The following GRIK2 variants were observed in gnomAD, a reference collection of about 807,000 sequenced individuals.
GRIK2 encodes the protein glutamate receptor ionotropic, kainate 2.
GRIK2 carries 32 observed loss-of-function variants against 100.3 expected under a neutral mutation model. The ratio of observed to expected loss-of-function variants is 0.32; its 90% CI spans 0.24 to 0.43. The LOEUF (loss-of-function observed/expected upper bound fraction) is 0.43. Ranked by LOEUF, GRIK2 falls within the 20% of genes least tolerant of loss-of-function variation. GRIK2 has a pLI of 1.00. For missense variants in GRIK2, 843 were observed against 1,114.9 expected (o/e 0.76, Z 3.47); for synonymous variants, 417 against 389.4 (o/e 1.07, Z -0.83).
rs182031285 is a variant in GRIK2 at position 102,065,764 on chromosome 6, T to G, written c.2563-2583T>G. On this transcript the variant is annotated intron_variant, in intron 16 of 16. Coordinates refer to ENST00000369134, the MANE Select transcript of GRIK2 (RefSeq NM_021956.5). ...ATCAAGTTTTGACCATGTTATGTCA[T>G]CTAATTAATTCTTCTGTTAAATGTT... The G allele has an allele frequency of 4.3e-6, 6 of 1,409,488 alleles. No individual in the cohort carries two copies. In the Admixed American group the frequency reaches 8.5e-5, roughly 20 times the overall value. The allele number at this position is 1,409,488 out of a possible 1,614,324, so 87.3% of individuals were successfully genotyped here. A position where few individuals can be genotyped will look rare whatever the true frequency, so the allele number is the denominator to read the frequency against.
intron 10 of GRIK2, among the ~76,000 whole-genome samples, chr6:101,851,723 A>G (rs1253341053): frequency 1.3e-5 from 2 of 151,858 alleles, no homozygotes; most frequent in East Asian, 3.9e-4. Context: ...GCATTGTTCA[A>G]TAATTAATAC....
chr6:101,508,473 A>G (rs977945538), intron 2 of GRIK2, among the ~76,000 whole-genome samples: 2 of 152,186 alleles, frequency 1.3e-5, no homozygotes, highest in Admixed American at 1.3e-4. Context: ...AAAGCTTAAT[A>G]TAACAGATTA....
chr6:102,061,169 A>G (rs1562147291), intron 16 of GRIK2, among the ~76,000 whole-genome samples: 1 of 150,592 alleles, frequency 6.6e-6, no homozygotes, highest in Non-Finnish European at 1.5e-5. Context: ...TTTTTAGGTC[A>G]TTTGTTTATG....
intron 1 of GRIK2, among the ~76,000 whole-genome samples, 57 bp downstream of exon 1, chr6:101,393,894 T>G (rs959093582): frequency 2.0e-5 from 3 of 152,076 alleles, no homozygotes; most frequent in Non-Finnish European, 1.5e-5. Flanking sequence ...GTGTTTGTTT[T>G]CAAGAGGACG....
intron 5 of GRIK2, among the ~76,000 whole-genome samples, chr6:101,680,633 G>A (rs375340421): frequency 1.1e-3 from 164 of 152,124 alleles, no homozygotes; most frequent in Middle Eastern, 3.4e-3. Context: ...CATCTGAATC[G>A]TTATTTCTTT....
chr6:101,798,387 T>G (rs1036602129), intron 7 of GRIK2, among the ~76,000 whole-genome samples: 1 of 152,088 alleles, frequency 6.6e-6, no homozygotes, highest in Non-Finnish European at 1.5e-5. Context: ...GTTTTCACTA[T>G]GCATCCTTCA....
At chr6:101,688,545 A>G (rs1359104898) in intron 7 of GRIK2, among the ~76,000 whole-genome samples, 1 of 152,022 alleles carries the variant, frequency 6.6e-6, no homozygotes, top group Non-Finnish European at 1.5e-5. Flanking sequence ...AGAGGATATT[A>G]GGAGAATTAC....
intron 2 of GRIK2, among the ~76,000 whole-genome samples, chr6:101,452,154 G>T (rs922223437): frequency 6.6e-6 from 1 of 151,728 alleles, no homozygotes; most frequent in Non-Finnish European, 1.5e-5. Flanking sequence ...CAGAGCATAT[G>T]GGTATCTAAG....
chr6:101,611,309 G>A (rs1390553356), intron 2 of GRIK2, among the ~76,000 whole-genome samples: 1 of 151,670 alleles, frequency 6.6e-6, no homozygotes, highest in Non-Finnish European at 1.5e-5. Context: ...CTTTATTCTG[G>A]ACTGTATCAG....
At chr6:101,708,433 T>G (rs899809275) in intron 7 of GRIK2, among the ~76,000 whole-genome samples, 5 of 151,686 alleles carry the variant, frequency 3.3e-5, no homozygotes, top group Admixed American at 1.3e-4. Flanking sequence ...TCTTCAAAGA[T>G]ACTTCTGTTA....
Position 102,068,724 on chromosome 6 carries a change from A to G in GRIK2, c.*213A>G, listed in dbSNP as rs1390689276. 3 of 448,164 alleles carry G rather than the reference A, an allele frequency of 6.7e-6. No homozygotes were observed. Among genetic ancestry groups the G allele is most frequent in the East Asian group, 3.7e-5 (1 of 26,836 alleles). 27.8% of individuals were successfully genotyped at this position (448,164 alleles called of 1,614,324 possible). ...GATCAACCAAGTTACACGGGGTTAC[A>G]CTGTTAATCATGGGTTCCTCCCTTC... On this transcript the variant is annotated 3_prime_UTR_variant, in exon 17 of 17. Transcript: ENST00000369134.
Position 101,467,763 on chromosome 6 carries a change from C to T in GRIK2, c.115+68371C>T, listed in dbSNP as rs570908587. Reference sequence around the variant, plus strand: ...AGCAATACAGTGAAACATCTACATACAAACTTATGCTACACTTCAGTTCAC... The same window carrying T: ...AGCAATACAGTGAAACATCTACATATAAACTTATGCTACACTTCAGTTCAC... On this transcript the variant is annotated intron_variant, in intron 2 of 16. Transcript: ENST00000369134. Among the ~76,000 whole-genome samples the T allele has an allele frequency of 2.0e-5, 3 of 152,238 alleles. No homozygotes were observed. In the South Asian group the frequency reaches 6.2e-4, roughly 32 times the overall value.
intron 4 of GRIK2, among the ~76,000 whole-genome samples, chr6:101,643,891 T>C (rs1781399145): frequency 6.6e-6 from 1 of 151,778 alleles, no homozygotes; most frequent in African/African-American, 2.4e-5. Flanking sequence ...AACATTTATT[T>C]GTCAATTTAT....
chr6:101,902,852 G>A (rs1787959410), intron 12 of GRIK2, among the ~76,000 whole-genome samples: 1 of 151,760 alleles, frequency 6.6e-6, no homozygotes, highest in African/African-American at 2.4e-5. Flanking sequence ...GCCTGTATTA[G>A]AAGAAATAGG....
At position 101,998,075 on chromosome 6, in the gene GRIK2, T is replaced by C. The variant is rs190425170; in HGVS notation, c.2086-37266T>C. On this transcript the variant is annotated intron_variant, in intron 14 of 16. Transcript: ENST00000369134. ...TATCTATCCACTCCCAAAAGCTTCC[T>C]TGTATCCCTTGGTAATATGGACCAC... Among the ~76,000 whole-genome samples, 51 of 152,250 alleles carry C rather than the reference T, an allele frequency of 3.3e-4. 1 individual carries two copies. Among genetic ancestry groups the C allele is most frequent in the African/African-American group, 1.2e-3 (48 of 41,576 alleles).
chr6:101,749,930 A>G (rs1776682874), intron 7 of GRIK2, among the ~76,000 whole-genome samples: 1 of 149,084 alleles, frequency 6.7e-6, no homozygotes, highest in Non-Finnish European at 1.5e-5. Flanking sequence ...CTCCTGCCTC[A>G]GCCTCCCAAG....
At chr6:101,544,065 G>C (rs1776126168) in intron 2 of GRIK2, among the ~76,000 whole-genome samples, 1 of 152,118 alleles carries the variant, frequency 6.6e-6, no homozygotes, top group African/African-American at 2.4e-5. Context: ...AGGTTTTCTT[G>C]ATGGAAGAGT....
At chr6:101,578,092 A>T (rs1777874088) in intron 2 of GRIK2, among the ~76,000 whole-genome samples, 1 of 152,174 alleles carries the variant, frequency 6.6e-6, no homozygotes, top group East Asian at 1.9e-4. Context: ...TCCAGGAAAG[A>T]ACATCTGTAC....
intron 2 of GRIK2, among the ~76,000 whole-genome samples, chr6:101,402,017 C>G (rs375377929): frequency 2.6e-5 from 4 of 152,238 alleles, no homozygotes; most frequent in South Asian, 2.1e-4. Flanking sequence ...CCCCAGCCCC[C>G]CTTCCCCGCT....
Sources: allele counts gnomAD v4.1 joint callset (sites outside exome capture counted in the v4.1 genomes callset), GRCh38; gene constraint gnomAD v4.1.1; transcripts MANE v1.5; gene names NCBI Gene and HGNC (gene_info 2026-07-23, HGNC 2026-07-21).